The following ZNF655 variants were observed in gnomAD, a reference collection of about 807,000 sequenced individuals.
The protein encoded by ZNF655 is Vav-interacting Kruppel-like protein 1.
Under a neutral mutation model 6.6 loss-of-function variants are expected in ZNF655, and 3 were observed. The observed-to-expected ratio is 0.46, with a 90% CI of 0.21 to 1.18. The LOEUF (loss-of-function observed/expected upper bound fraction) is 1.18. ZNF655 is among the 50% of genes most tolerant of loss of function. The pLI, the probability that ZNF655 is intolerant of heterozygous loss-of-function variation, is 0.24. For missense variants in ZNF655, 526 were observed against 572.3 expected, an observed-to-expected ratio of 0.92 and a Z score of 0.83; for synonymous variants, 178 against 195.0, an observed-to-expected ratio of 0.91 and a Z score of 0.73.
intron 2 of ZNF655, among the ~76,000 whole-genome samples, chr7:99,562,698 TC>T (rs1430133489): frequency 1.3e-5 from 2 of 152,140 alleles, no homozygotes; most frequent in Non-Finnish European, 2.9e-5. Flanking sequence ...GACATTCTCC[TC>T]CTTATCCCCA....
intron 2 of ZNF655, chr7:99,562,345 G>A (rs1803255582): frequency 1.2e-6 from 2 of 1,613,150 alleles, no homozygotes; most frequent in African/African-American, 1.3e-5. Context: ...ATTCCTCAGA[G>A]CAGCCAGGAT....
chr7:99,562,647 C>T (rs959882752), intron 2 of ZNF655, among the ~76,000 whole-genome samples: 1 of 152,086 alleles, frequency 6.6e-6, no homozygotes, highest in Non-Finnish European at 1.5e-5. Flanking sequence ...TCGTCTTCTC[C>T]GGGAGGGGTA....
At position 99,564,309 on chromosome 7, in the gene ZNF655, ATGTGAAACT is replaced by A; in HGVS notation, c.136+3616_136+3624del. The A allele has an allele frequency of 5.7e-6, 7 of 1,236,554 alleles. No individual in the cohort carries two copies. In the South Asian group the frequency reaches 1.3e-4, roughly 23 times the overall value. The allele number at this position is 1,236,554 out of a possible 1,614,324, so 76.6% of individuals were successfully genotyped here. On this transcript the variant is annotated intron_variant, in intron 2 of 2. Coordinates refer to ENST00000252713, the MANE Select transcript of ZNF655 (RefSeq NM_138494.3). The stretch of plus-strand genomic sequence containing the variant: ...TATGGTCTTTTCATATTATTTTAGA[ATGTGAAACT>A]TATGCTGTGTGCCCCTCCTTTTATG...
intron 2 of ZNF655, among the ~76,000 whole-genome samples, chr7:99,565,816 T>C (rs1803576063): frequency 6.6e-6 from 1 of 152,166 alleles, no homozygotes; most frequent in African/African-American, 2.4e-5. Context: ...ACTGGGTCAG[T>C]AGATTGGGAA....
At chr7:99,563,101 C>G (rs1584246841) in intron 2 of ZNF655, 1 of 421,252 alleles carries the variant, frequency 2.4e-6, no homozygotes, top group East Asian at 8.4e-5. Context: ...CGTAACCACA[C>G]CCAGGGCAGC....
intron 2 of ZNF655, chr7:99,571,170 C>CT: frequency 8.7e-7 from 1 of 1,153,492 alleles, no homozygotes; most frequent in African/African-American, 1.6e-5. Flanking sequence ...TCATATTACT[C>CT]TTTGTTTTCT....
At chr7:99,562,879 C>T (rs568040258) in intron 2 of ZNF655, among the ~76,000 whole-genome samples, 3 of 152,242 alleles carry the variant, frequency 2.0e-5, no homozygotes, top group South Asian at 2.1e-4. Flanking sequence ...ATCTCAGTGT[C>T]CCTGTATTAG....
chr7:99,559,216 A>G (rs1263986869), intron 1 of ZNF655, among the ~76,000 whole-genome samples: 1 of 152,122 alleles, frequency 6.6e-6, no homozygotes, highest in Non-Finnish European at 1.5e-5. Flanking sequence ...TTCGAACCGC[A>G]GCTCTTACCT....
At chr7:99,564,183 A>T in intron 2 of ZNF655, 2 of 1,416,264 alleles carry the variant, frequency 1.4e-6, no homozygotes, top group South Asian at 3.3e-5. Context: ...CTCTGTTGCA[A>T]CCAGATATGT....
chr7:99,571,198 A>T, intron 2 of ZNF655: 1 of 1,270,996 alleles, frequency 7.9e-7, no homozygotes, highest in Non-Finnish European at 1.0e-6. Context: ...ACTGAAACAA[A>T]TTGTTTCTTG....
At chr7:99,562,425 C>T (rs202113082) in intron 2 of ZNF655, 1 of 1,614,102 alleles carries the variant, frequency 6.2e-7, no homozygotes, top group African/African-American at 1.3e-5. Context: ...ATGGGGATAC[C>T]TGGACCCTGT....
At position 99,575,949 on chromosome 7, in the gene ZNF655, A is replaced by C. The variant is rs770473778; in HGVS notation, c.*2365A>C. ...TTCATGATTCTTTAGGTAATGTCAA[A>C]ACATTTTGTATTTTTCCATCTTAAG... On this transcript the variant is annotated 3_prime_UTR_variant, in exon 3 of 3. Transcript: ENST00000252713. The C allele has an allele frequency of 6.6e-6, 1 of 152,214 alleles. No homozygotes were observed. Among genetic ancestry groups the C allele is most frequent in the Non-Finnish European group, 1.5e-5 (1 of 68,032 alleles). The allele number at this position is 152,214 out of a possible 1,614,324, so 9.4% of individuals were successfully genotyped here.
intron 2 of ZNF655, chr7:99,563,737 C>A: frequency 9.6e-7 from 1 of 1,040,060 alleles, no homozygotes. Flanking sequence ...CTGGTGGCAT[C>A]CAGGGCATTG....
chr7:99,560,761 T>C (rs1330199358), intron 2 of ZNF655, 66 bp downstream of exon 2: 1 of 1,578,276 alleles, frequency 6.3e-7, no homozygotes, highest in Non-Finnish European at 8.6e-7. Flanking sequence ...AGGGGGCTCC[T>C]GGGCCTGGTT....
intron 2 of ZNF655, among the ~76,000 whole-genome samples, chr7:99,569,999 C>G (rs768449184): frequency 6.6e-6 from 1 of 152,268 alleles, no homozygotes; most frequent in East Asian, 1.9e-4. Flanking sequence ...TCCATTTTAT[C>G]ACTCTGTATG....
intron 1 of ZNF655, among the ~76,000 whole-genome samples, chr7:99,560,317 C>G (rs2151142826): frequency 6.6e-6 from 1 of 152,174 alleles, no homozygotes; most frequent in African/African-American, 2.4e-5. Flanking sequence ...CTCCTGACCT[C>G]AAGTGATCTT....
At chr7:99,562,725 C>T (rs541639008) in intron 2 of ZNF655, among the ~76,000 whole-genome samples, 9 of 152,128 alleles carry the variant, frequency 5.9e-5, no homozygotes, top group African/African-American at 1.9e-4. Flanking sequence ...TGTTTATGGC[C>T]ATTGTGGGGC....
intron 2 of ZNF655, chr7:99,571,131 A>G: frequency 1.2e-6 from 1 of 843,210 alleles, no homozygotes; most frequent in Non-Finnish European, 1.6e-6. Flanking sequence ...TGTTGAATAA[A>G]TGCTACACTC....
chr7:99,569,360 A>G lies in ZNF655; in HGVS notation c.137-2885A>G, dbSNP rs138047181. On this transcript the variant is annotated intron_variant, in intron 2 of 2. Transcript: ENST00000252713. ...GAAATAGGCATTTAGGCTAGTGCCA[A>G]GAAAACTTACACGTTCTTTCTGTGT... 6.6e-3 allele frequency among the ~76,000 whole-genome samples: 1,009 copies of G among 152,364 alleles called. 11 individuals are homozygous for G. The highest frequency in any genetic ancestry group is 0.017 in the Middle Eastern group (5 of 294).
Sources: gnomAD v4.1 joint callset for allele counts (sites outside exome capture counted in the v4.1 genomes callset) on GRCh38, gnomAD v4.1.1 for gene constraint, MANE v1.5 for transcripts, NCBI Gene and HGNC (gene_info 2026-07-23, HGNC 2026-07-21) for gene names.